The following MEGF6 variants were observed in gnomAD, a reference collection of about 807,000 sequenced individuals.
MEGF6 encodes multiple EGF like domains 6.
A neutral mutation model predicts 207.1 loss-of-function variants in MEGF6; 184 were observed. The observed-to-expected ratio is 0.89, with a 90% confidence interval of 0.79 to 1.00. MEGF6 has a LOEUF of 1.00. Ranked by LOEUF, MEGF6 falls within the 50% of genes least tolerant of loss-of-function variation. The pLI, the probability that MEGF6 is intolerant of heterozygous loss-of-function variation, is 0.00. For synonymous variants in MEGF6, 1,038 were observed against 910.0 expected (o/e 1.14, Z -2.53); for missense variants, 2,282 against 2,202.9 (o/e 1.04, Z -0.72).
At chr1:3,604,514 C>G (rs1009905834) in intron 1 of MEGF6, among the ~76,000 whole-genome samples, 21 of 152,194 alleles carry the variant, frequency 1.4e-4, no homozygotes, top group African/African-American at 4.8e-4. Context: ...GCCATTGCCT[C>G]TTCCTGCACC....
At chr1:3,571,364 C>G (rs1643488182) in intron 4 of MEGF6, among the ~76,000 whole-genome samples, 1 of 152,182 alleles carries the variant, frequency 6.6e-6, no homozygotes, top group Non-Finnish European at 1.5e-5. Context: ...CCCCCGAGCA[C>G]AGAGAGCAGG....
intron 4 of MEGF6, among the ~76,000 whole-genome samples, chr1:3,558,479 G>A (rs1488502102): frequency 6.6e-6 from 1 of 152,120 alleles, no homozygotes; most frequent in Non-Finnish European, 1.5e-5. Context: ...CAACTTCCTG[G>A]TCATAAGTTG....
the MEGF6 span, among the ~76,000 whole-genome samples, chr1:3,620,604 T>C: frequency 6.6e-6 from 1 of 152,070 alleles, no homozygotes; most frequent in East Asian, 1.9e-4. Context: ...AGAGGGGAAA[T>C]GTGGGGTGGG....
intron 31 of MEGF6, 39 bp downstream of exon 31, chr1:3,494,573 CT>C: frequency 6.4e-7 from 1 of 1,560,902 alleles, no homozygotes; most frequent in Non-Finnish European, 8.6e-7. Context: ...GGGCACCTCC[CT>C]GAGGGGATGC....
chr1:3,502,429 T>G (rs1640943146), intron 17 of MEGF6, among the ~76,000 whole-genome samples: 2 of 152,072 alleles, frequency 1.3e-5, no homozygotes, highest in Non-Finnish European at 2.9e-5. Flanking sequence ...CCCACTCCCC[T>G]CCACCCAGCT....
intron 13 of MEGF6, 48 bp from the exon 14 acceptor site, chr1:3,507,971 C>T: frequency 1.3e-6 from 2 of 1,583,510 alleles, no homozygotes; most frequent in Non-Finnish European, 1.7e-6. Context: ...CAGCACGACA[C>T]TCTGAGACCC....
rs186007207 is a variant in MEGF6 at position 3,532,309 on chromosome 1, A to G, written c.482-8063T>C. On this transcript the variant is annotated intron_variant, in intron 4 of 36. Transcript: ENST00000356575. ...TTCCGGCTTGGATCAGAGTCCCCAG[A>G]GCCCCCCATCCTCTCTGAGCCCCTT... 1.8e-3 allele frequency among the ~76,000 whole-genome samples: 272 copies of G among 152,294 alleles called. 1 individual carries two copies. Among genetic ancestry groups the G allele is most frequent in the Admixed American group, 3.5e-3 (54 of 15,302 alleles).
At chr1:3,528,570 TG>T (rs1178433262) in intron 4 of MEGF6, among the ~76,000 whole-genome samples, 2 of 152,154 alleles carry the variant, frequency 1.3e-5, no homozygotes, top group Non-Finnish European at 2.9e-5. Flanking sequence ...GAGGTTATCC[TG>T]GCATATCCAG....
intron 3 of MEGF6, among the ~76,000 whole-genome samples, chr1:3,583,159 C>A (rs368298028): frequency 3.3e-5 from 5 of 152,278 alleles, no homozygotes; most frequent in Admixed American, 1.3e-4. Flanking sequence ...TACTACGAGG[C>A]TCTAAAACAA....
At chr1:3,615,146 C>T (rs760438462), upstream of MEGF6, among the ~76,000 whole-genome samples, 3 of 152,198 alleles carry the variant, frequency 2.0e-5, no homozygotes, top group Non-Finnish European at 2.9e-5. Context: ...CCAGTCCCTT[C>T]AAAGTTGCAT....
chr1:3,501,720 C>G (rs533973473), intron 18 of MEGF6, 76 bp downstream of exon 18: 1 of 1,539,588 alleles, frequency 6.5e-7, no homozygotes, highest in Non-Finnish European at 8.7e-7. Context: ...GGCTGGGGCC[C>G]CCACAGTTCA....
chr1:3,508,211 GAACCCCAC>G (rs1557731473), intron 13 of MEGF6, among the ~76,000 whole-genome samples: 1 of 152,186 alleles, frequency 6.6e-6, no homozygotes, highest in Non-Finnish European at 1.5e-5. Flanking sequence ...TGAGCTAGAG[GAACCCCAC>G]CTGCCGGCTG....
At chr1:3,583,204 G>C (rs1643841410) in intron 3 of MEGF6, among the ~76,000 whole-genome samples, 1 of 152,156 alleles carries the variant, frequency 6.6e-6, no homozygotes, top group Non-Finnish European at 1.5e-5. Context: ...CCGAGAGCAG[G>C]TGTTCCTGGT....
chr1:3,488,286 G>A lies in MEGF6; in HGVS notation c.*2242C>T, dbSNP rs553393665. 6.6e-6 allele frequency among the ~76,000 whole-genome samples: 1 copy of A among 152,336 alleles called. No individual in the cohort carries two copies. Among genetic ancestry groups the A allele is most frequent in the African/African-American group, 2.4e-5 (1 of 41,572 alleles). Reference sequence around the variant, plus strand: ...AGCTGAGATTTCCTCCGGATGGGCAGAAGCTCGGCCTGCCTTATGGCTTCC... The same window carrying A: ...AGCTGAGATTTCCTCCGGATGGGCAAAAGCTCGGCCTGCCTTATGGCTTCC... On this transcript the variant is annotated 3_prime_UTR_variant, in exon 37 of 37. Coordinates refer to ENST00000356575, the MANE Select transcript of MEGF6 (RefSeq NM_001409.4).
intron 1 of MEGF6, among the ~76,000 whole-genome samples, chr1:3,602,888 G>A (rs886598893): frequency 6.6e-6 from 1 of 152,192 alleles, no homozygotes; most frequent in Admixed American, 6.5e-5. Context: ...CACCAACGAC[G>A]CTGCCTCAAC....
intron 4 of MEGF6, among the ~76,000 whole-genome samples, chr1:3,569,090 G>A (rs1643427399): frequency 6.6e-6 from 1 of 152,154 alleles, no homozygotes. Flanking sequence ...ACTCCCAGAG[G>A]GAGCTCCTGC....
At chr1:3,549,155 A>G (rs964195296) in intron 4 of MEGF6, among the ~76,000 whole-genome samples, 2 of 152,048 alleles carry the variant, frequency 1.3e-5, no homozygotes, top group Non-Finnish European at 2.9e-5. Flanking sequence ...TCTGGTGGGG[A>G]CTGGCCCCCC....
At position 3,550,623 on chromosome 1, in the gene MEGF6, G is replaced by T. The variant is rs570232396; in HGVS notation, c.482-26377C>A. Among the ~76,000 whole-genome samples the T allele has an allele frequency of 1.2e-4, 19 of 152,348 alleles. 1 individual carries two copies. Among genetic ancestry groups the T allele is most frequent in the Admixed American group, 1.1e-3 (17 of 15,304 alleles). On this transcript the variant is annotated intron_variant, in intron 4 of 36. Coordinates refer to ENST00000356575, the MANE Select transcript of MEGF6 (RefSeq NM_001409.4). The stretch of plus-strand genomic sequence containing the variant: ...CAGCAGTTTTGATACAGAAAGAAGC[G>T]GTCGTGCCCAGGCCTCCGGGGTGCT...
At chr1:3,621,426 C>T in the MEGF6 span, among the ~76,000 whole-genome samples, 3,832 of 152,242 alleles carry the variant, frequency 0.025, 156 homozygotes, top group African/African-American at 0.085. Context: ...CATCTCTGTA[C>T]GGCCTGGTTT....
Sources: allele counts gnomAD v4.1 joint callset (sites outside exome capture counted in the v4.1 genomes callset), GRCh38; gene constraint gnomAD v4.1.1; transcripts MANE v1.5; gene names NCBI Gene and HGNC (gene_info 2026-07-23, HGNC 2026-07-21).